Variants in KHDRBS2 observed in about 807,000 individuals in gnomAD.
The protein encoded by KHDRBS2 is KH domain-containing, RNA-binding, signal transduction-associated protein 2.
A neutral mutation model predicts 44.3 loss-of-function variants in KHDRBS2; 26 were observed. The ratio of observed to expected loss-of-function variants is 0.59; its 90% CI spans 0.43 to 0.81. KHDRBS2 has a LOEUF of 0.81. KHDRBS2 is among the 40% of genes least tolerant of loss of function. The pLI is 0.00. For synonymous variants in KHDRBS2, 194 were observed against 151.1 expected (o/e 1.28, Z -2.08); for missense variants, 476 against 433.1 (o/e 1.10, Z -0.88).
intron 4 of KHDRBS2, among the ~76,000 whole-genome samples, chr6:61,943,680 C>A (rs1812607378): frequency 6.6e-6 from 1 of 151,982 alleles, no homozygotes; most frequent in South Asian, 2.1e-4. Context: ...ACATCTTCTG[C>A]ACAGAAAAGG....
chr6:61,665,106 A>T, the KHDRBS2 span, among the ~76,000 whole-genome samples: 1 of 151,554 alleles, frequency 6.6e-6, no homozygotes, highest in Non-Finnish European at 1.5e-5. Flanking sequence ...TGCATTTCAT[A>T]AAGGAGTTGA....
chr6:61,681,691 G>T (rs1766328085), intron 8 of KHDRBS2, among the ~76,000 whole-genome samples: 1 of 151,838 alleles, frequency 6.6e-6, no homozygotes, highest in African/African-American at 2.4e-5. Flanking sequence ...AGTAAATAAA[G>T]AAGTATTAGT....
At chr6:61,634,412 A>T in the KHDRBS2 span, among the ~76,000 whole-genome samples, 48 of 152,190 alleles carry the variant, frequency 3.2e-4, no homozygotes, top group African/African-American at 1.0e-3. Context: ...CACTAAAAGC[A>T]TTCTTACTGG....
intron 1 of KHDRBS2, among the ~76,000 whole-genome samples, chr6:62,261,236 T>C (rs1235905748): frequency 6.6e-6 from 1 of 151,926 alleles, no homozygotes; most frequent in Non-Finnish European, 1.5e-5. Flanking sequence ...GGGCATAAAT[T>C]TCTTCATGAT....
intron 6 of KHDRBS2, among the ~76,000 whole-genome samples, chr6:61,867,865 A>G (rs975133333): frequency 6.6e-6 from 1 of 152,110 alleles, no homozygotes; most frequent in Non-Finnish European, 1.5e-5. Context: ...GCCAGCCCAA[A>G]CGTACCTGTA....
chr6:62,025,141 C>A (rs766364536), intron 3 of KHDRBS2, among the ~76,000 whole-genome samples: 16 of 151,666 alleles, frequency 1.1e-4, no homozygotes, highest in Non-Finnish European at 2.1e-4. Context: ...AATTAGTATA[C>A]TTAATGAAAC....
chr6:61,724,052 G>A (rs1376347830), intron 7 of KHDRBS2, among the ~76,000 whole-genome samples: 3 of 152,098 alleles, frequency 2.0e-5, no homozygotes, highest in South Asian at 2.1e-4. Context: ...AGTAATTTAA[G>A]GGCAAGCCAG....
chr6:61,736,653 C>T (rs1030208442), intron 6 of KHDRBS2, among the ~76,000 whole-genome samples: 8 of 151,996 alleles, frequency 5.3e-5, no homozygotes, highest in Non-Finnish European at 1.2e-4. Context: ...GGTACAAGAA[C>T]CAGGGATGGG....
the KHDRBS2 span, among the ~76,000 whole-genome samples, chr6:61,615,170 T>G: frequency 1.5e-5 from 2 of 133,726 alleles, no homozygotes; most frequent in Non-Finnish European, 3.1e-5. Flanking sequence ...GAGGCAGATG[T>G]TGCAGTGAGC....
intron 6 of KHDRBS2, among the ~76,000 whole-genome samples, chr6:61,806,198 A>C (rs1787131613): frequency 6.6e-6 from 1 of 152,172 alleles, no homozygotes; most frequent in African/African-American, 2.4e-5. Context: ...GCTGGAAATG[A>C]CATTGAAAGT....
intron 4 of KHDRBS2, among the ~76,000 whole-genome samples, chr6:61,903,511 GA>G (rs1412492926): frequency 6.6e-6 from 1 of 152,164 alleles, no homozygotes; most frequent in Non-Finnish European, 1.5e-5. Context: ...TGAAGAAGAA[GA>G]ATGAGGAATA....
At chr6:62,057,915 T>G (rs1235407587) in intron 2 of KHDRBS2, among the ~76,000 whole-genome samples, 1 of 151,958 alleles carries the variant, frequency 6.6e-6, no homozygotes, top group Non-Finnish European at 1.5e-5. Context: ...GTGATTATCA[T>G]AAGTGTCAGG....
intron 3 of KHDRBS2, among the ~76,000 whole-genome samples, chr6:61,985,676 G>A (rs956665053): frequency 2.6e-5 from 4 of 152,070 alleles, no homozygotes; most frequent in Admixed American, 6.6e-5. Context: ...CAGGTGAGAC[G>A]ATAATGTTCT....
intron 2 of KHDRBS2, among the ~76,000 whole-genome samples, chr6:62,074,415 T>C (rs1300178664): frequency 6.6e-6 from 1 of 151,840 alleles, no homozygotes; most frequent in African/African-American, 2.4e-5. Context: ...TTTGTGACTA[T>C]AGTCCACCAT....
intron 1 of KHDRBS2, among the ~76,000 whole-genome samples, chr6:62,219,924 T>C (rs1160520759): frequency 1.4e-5 from 2 of 144,806 alleles, no homozygotes; most frequent in South Asian, 2.1e-4. Context: ...CTTGAAATTA[T>C]ATATATATAT....
At chr6:61,771,421 T>G (rs891520293) in intron 6 of KHDRBS2, among the ~76,000 whole-genome samples, 1 of 152,164 alleles carries the variant, frequency 6.6e-6, no homozygotes, top group Non-Finnish European at 1.5e-5. Flanking sequence ...GACTCATCAG[T>G]GTGCTGTACT....
At chr6:62,197,530 A>G (rs1210447510) in intron 1 of KHDRBS2, among the ~76,000 whole-genome samples, 1 of 152,176 alleles carries the variant, frequency 6.6e-6, no homozygotes, top group Non-Finnish European at 1.5e-5. Flanking sequence ...TGCCAATTCA[A>G]GTATTTATCA....
intron 2 of KHDRBS2, among the ~76,000 whole-genome samples, chr6:62,088,555 C>T (rs1010189497): frequency 8.5e-5 from 13 of 152,252 alleles, no homozygotes; most frequent in Admixed American, 5.9e-4. Context: ...AAGATTGCTG[C>T]CTGTTCCTTC....
At chr6:61,808,730 C>T (rs1310544435) in intron 6 of KHDRBS2, among the ~76,000 whole-genome samples, 2 of 151,868 alleles carry the variant, frequency 1.3e-5, no homozygotes, top group African/African-American at 4.8e-5. Flanking sequence ...AAAAATTGAA[C>T]ATTTTAGGAT....
Sources: gnomAD v4.1 joint callset for allele counts (sites outside exome capture counted in the v4.1 genomes callset) on GRCh38, gnomAD v4.1.1 for gene constraint, MANE v1.5 for transcripts, NCBI Gene and HGNC (gene_info 2026-07-23, HGNC 2026-07-21) for gene names.